RRAS2: variants seen among roughly 807,000 people sequenced by gnomAD.
RRAS2 encodes the protein ras-related protein R-Ras2.
Under a neutral mutation model 27.6 loss-of-function variants are expected in RRAS2, and 7 were observed. The observed-to-expected ratio is 0.25, with a 90% CI of 0.14 to 0.48. The LOEUF is 0.48. Ranked by LOEUF, RRAS2 falls within the 20% of genes least tolerant of loss-of-function variation. RRAS2 has a pLI of 0.99. For missense variants in RRAS2, 178 were observed against 256.2 expected (o/e 0.69, Z 2.08); for synonymous variants, 86 against 90.9 (o/e 0.95, Z 0.31).
chr11:14,281,981 T>G (rs1554944387), intron 4 of RRAS2, among the ~76,000 whole-genome samples: 2 of 152,148 alleles, frequency 1.3e-5, no homozygotes. Context: ...AATACAACAG[T>G]AATACATTCT....
intron 1 of RRAS2, among the ~76,000 whole-genome samples, chr11:14,309,357 T>TACTA (rs782618053): frequency 8.5e-5 from 13 of 152,310 alleles, no homozygotes; most frequent in Non-Finnish European, 1.8e-4. Flanking sequence ...AATCTACAAA[T>TACTA]ACTAACTGAA....
At position 14,308,793 on chromosome 11, in the gene RRAS2, GCA is replaced by G. The variant is rs1327315370; in HGVS notation, c.109-12940_109-12939del. ...AGCTCCACATGAAATGTGAACTACT[GCA>G]CACAGACTCCCCCTTCAGGTGCTAT... On this transcript the variant is annotated intron_variant, in intron 1 of 5. Coordinates refer to ENST00000256196, the MANE Select transcript of RRAS2 (RefSeq NM_012250.6). Among the ~76,000 whole-genome samples the G allele has an allele frequency of 7.2e-5, 11 of 152,230 alleles. No individual in the cohort carries two copies. In the South Asian group the frequency reaches 1.9e-3, roughly 26 times the overall value.
chr11:14,362,338 AT>A (rs1554956244), upstream of RRAS2, among the ~76,000 whole-genome samples: 1 of 152,174 alleles, frequency 6.6e-6, no homozygotes, highest in African/African-American at 2.4e-5. Context: ...TATTAACTCT[AT>A]TCCTTTATTT....
chr11:14,314,449 T>G (rs1167308743), intron 1 of RRAS2, among the ~76,000 whole-genome samples: 1 of 152,154 alleles, frequency 6.6e-6, no homozygotes, highest in Non-Finnish European at 1.5e-5. Context: ...AAATAAGAAG[T>G]GCAGAAAAGC....
intron 1 of RRAS2, among the ~76,000 whole-genome samples, chr11:14,340,536 T>G (rs1490141699): frequency 2.6e-5 from 4 of 152,168 alleles, no homozygotes; most frequent in Admixed American, 1.3e-4. Flanking sequence ...AGCTTCTACT[T>G]GTCACTGGAA....
chr11:14,284,515 T>C (rs1237575689), intron 4 of RRAS2, among the ~76,000 whole-genome samples: 1 of 152,194 alleles, frequency 6.6e-6, no homozygotes, highest in African/African-American at 2.4e-5. Flanking sequence ...GGATATGTTG[T>C]GTTCAGTATT....
intron 1 of RRAS2, among the ~76,000 whole-genome samples, chr11:14,340,160 G>A (rs1305962588): frequency 2.9e-5 from 4 of 138,866 alleles, no homozygotes; most frequent in South Asian, 5.4e-4. Context: ...GTGTAGTGGC[G>A]CGACCTCGGC....
chr11:14,347,377 G>A (rs1257489179), intron 1 of RRAS2, among the ~76,000 whole-genome samples: 2 of 152,144 alleles, frequency 1.3e-5, no homozygotes, highest in Non-Finnish European at 2.9e-5. Context: ...TACTGAATCT[G>A]ACACAATTTT....
At chr11:14,325,840 G>A (rs1848343911) in intron 1 of RRAS2, among the ~76,000 whole-genome samples, 1 of 152,108 alleles carries the variant, frequency 6.6e-6, no homozygotes, top group Non-Finnish European at 1.5e-5. Flanking sequence ...TAAAAGGGGT[G>A]TCTTCTTCCA....
chr11:14,341,124 T>A (rs1051337578), intron 1 of RRAS2, among the ~76,000 whole-genome samples: 2 of 151,786 alleles, frequency 1.3e-5, no homozygotes, highest in Admixed American at 1.3e-4. Flanking sequence ...ATCCTATCCC[T>A]CCCCCTGAAA....
Position 14,281,684 on chromosome 11 carries a change from G to A in RRAS2, c.445C>T (p.Leu149Phe). The A allele has an allele frequency of 1.3e-6, 2 of 1,595,718 alleles. No individual in the cohort carries two copies. Among genetic ancestry groups the A allele is most frequent in the East Asian group, 2.3e-5 (1 of 44,106 alleles). ...GATGCCTCCATGTATGTTACCTTAAGCTGCCGTGCTAACTGTTGTCCTTCT... is the reference window on the plus strand; with the variant it reads ...GATGCCTCCATGTATGTTACCTTAAACTGCCGTGCTAACTGTTGTCCTTCT... ...QEEGQQLARQ[L>F]KVTYMEASAK... Residue 149 changes from leucine to phenylalanine, a missense_variant, in exon 5 of 6, where the codon CTT becomes TTT. By Grantham distance (22) the Leu-to-Phe change is conservative. Transcript: ENST00000256196.
chr11:14,333,583 G>A (rs1268581520), intron 1 of RRAS2, among the ~76,000 whole-genome samples: 1 of 152,042 alleles, frequency 6.6e-6, no homozygotes, highest in Non-Finnish European at 1.5e-5. Flanking sequence ...TTAAATCTAT[G>A]CTGTACTGTG....
chr11:14,362,218 G>A (rs1554956224), upstream of RRAS2, among the ~76,000 whole-genome samples: 1 of 152,112 alleles, frequency 6.6e-6, no homozygotes. Context: ...GAATTTTATT[G>A]TGTCTGTATT....
intron 1 of RRAS2, among the ~76,000 whole-genome samples, chr11:14,315,165 G>T (rs1848069408): frequency 6.6e-6 from 1 of 152,132 alleles, no homozygotes; most frequent in South Asian, 2.1e-4. Flanking sequence ...TCCTTCCAAA[G>T]AATACAATAT....
At chr11:14,353,658 G>A (rs1473610579) in intron 1 of RRAS2, among the ~76,000 whole-genome samples, 7 of 150,044 alleles carry the variant, frequency 4.7e-5, no homozygotes, top group African/African-American at 1.2e-4. Flanking sequence ...ACAGGGGTAC[G>A]CATGCACACA....
chr11:14,295,942 G>A, intron 1 of RRAS2, 87 bp from the exon 2 acceptor site: 4 of 1,240,298 alleles, frequency 3.2e-6, no homozygotes, highest in Non-Finnish European at 4.6e-6. Flanking sequence ...GGAGGCCGAG[G>A]GAGAAGGATC....
At chr11:14,344,167 T>G (rs1848780650) in intron 1 of RRAS2, among the ~76,000 whole-genome samples, 1 of 152,120 alleles carries the variant, frequency 6.6e-6, no homozygotes, top group African/African-American at 2.4e-5. Flanking sequence ...TTTTAAGTAG[T>G]TCACTTAAAC....
intron 1 of RRAS2, among the ~76,000 whole-genome samples, chr11:14,309,792 G>A (rs555062722): frequency 6.6e-6 from 1 of 152,222 alleles, no homozygotes; most frequent in Non-Finnish European, 1.5e-5. Context: ...AAAATTAACA[G>A]GGAGGCAGGC....
At position 14,359,133 on chromosome 11, in the gene RRAS2, T is replaced by C. The variant is rs1554955936; in HGVS notation, c.-263A>G. On this transcript the variant is annotated 5_prime_UTR_variant, in exon 1 of 6. Transcript: ENST00000256196. ...CGGGGGGCGCGCTCCTCTACGCGTC[T>C]CCGCAGCGCCTGCCGAACGCAGCCT... The C allele has an allele frequency of 3.9e-6, 4 of 1,027,536 alleles. No individual in the cohort carries two copies. Among genetic ancestry groups the C allele is most frequent in the Non-Finnish European group, 2.3e-6 (2 of 858,612 alleles). The allele number at this position is 1,027,536 out of a possible 1,614,324, so 63.7% of individuals were successfully genotyped here.
Sources: gnomAD v4.1 joint callset for allele counts (sites outside exome capture counted in the v4.1 genomes callset) on GRCh38, gnomAD v4.1.1 for gene constraint, MANE v1.5 for transcripts, NCBI Gene and HGNC (gene_info 2026-07-23, HGNC 2026-07-21) for gene names.